Variants in WWTR1 observed in about 807,000 individuals in gnomAD.
The protein encoded by WWTR1 is WW domain containing transcription regulator 1.
Under a neutral mutation model 40.1 loss-of-function variants are expected in WWTR1, and 13 were observed. The ratio of observed to expected loss-of-function variants is 0.32; its 90% CI spans 0.21 to 0.52. The LOEUF (loss-of-function observed/expected upper bound fraction) is 0.52, where lower values mean the gene tolerates loss of function less well. WWTR1 is among the 20% of genes least tolerant of loss of function. The pLI, the probability that WWTR1 is intolerant of heterozygous loss-of-function variation, is 0.97. For synonymous variants in WWTR1, 230 were observed against 210.1 expected, an observed-to-expected ratio of 1.09 and a Z score of -0.82; for missense variants, 436 against 523.1, an observed-to-expected ratio of 0.83 and a Z score of 1.63.
intron 4 of WWTR1, among the ~76,000 whole-genome samples, chr3:149,540,011 C>T (rs779743273): frequency 1.3e-5 from 2 of 151,322 alleles, no homozygotes; most frequent in African/African-American, 2.4e-5. Flanking sequence ...TTCCTGTACT[C>T]CCTAACAAAA....
chr3:149,607,662 G>A (rs145026736), intron 2 of WWTR1, among the ~76,000 whole-genome samples: 30 of 152,240 alleles, frequency 2.0e-4, no homozygotes, highest in African/African-American at 7.0e-4. Flanking sequence ...CTTCCCTAAA[G>A]TTTTAAATTG....
Position 149,526,010 on chromosome 3 carries a change from T to C in WWTR1, c.1018+3A>G. ...TGTAAGTGCTTGCAGGCTTTGCTCCTACCTGTATCCATCTCATCCACATTG... is the reference window on the plus strand; with the variant it reads ...TGTAAGTGCTTGCAGGCTTTGCTCCCACCTGTATCCATCTCATCCACATTG... On this transcript the variant is annotated splice_donor_region_variant and intron_variant, in intron 6 of 6. Transcript: ENST00000360632. 1 of 1,584,082 alleles carries C rather than the reference T, an allele frequency of 6.3e-7. No individual in the cohort carries two copies. The highest frequency in any genetic ancestry group is 8.6e-7 in the Non-Finnish European group (1 of 1,164,534).
chr3:149,557,061 C>CTTTTTTTT (rs3044118), intron 3 of WWTR1, among the ~76,000 whole-genome samples: 2,471 of 64,364 alleles, frequency 0.038, 548 homozygotes, highest in East Asian at 0.15. Context: ...CTGGAATCTT[C>CTTTTTTTT]TTTTTTTTTT....
chr3:149,521,201 G>C (rs972799731), intron 6 of WWTR1, among the ~76,000 whole-genome samples: 6 of 152,158 alleles, frequency 3.9e-5, no homozygotes, highest in African/African-American at 1.4e-4. Context: ...GATAAGAAAG[G>C]AGCATGTGAA....
chr3:149,576,285 T>C (rs1313388448), intron 2 of WWTR1: 8 of 349,956 alleles, frequency 2.3e-5, no homozygotes, highest in African/African-American at 8.6e-5. Flanking sequence ...AACTAAATTC[T>C]CCTATTGTTC....
Position 149,520,617 on chromosome 3 carries a change from T to C in WWTR1, c.*188A>G, listed in dbSNP as rs780419459. The C allele has an allele frequency of 7.4e-5, 34 of 457,800 alleles. No homozygotes were observed. The highest frequency in any genetic ancestry group is 1.2e-4 in the Non-Finnish European group (33 of 266,452). The allele number at this position is 457,800 out of a possible 1,614,324, so 28.4% of individuals were successfully genotyped here. A position where few individuals can be genotyped will look rare whatever the true frequency, so the allele number is the denominator to read the frequency against. On this transcript the variant is annotated 3_prime_UTR_variant, in exon 7 of 7. Transcript: ENST00000360632. ...GCAGAAAATGAAAATAGAATATTTA[T>C]TTATGTTTAACTTAAGTTACTCTCA...
At chr3:149,567,200 A>T (rs2107986771) in intron 3 of WWTR1, among the ~76,000 whole-genome samples, 1 of 152,208 alleles carries the variant, frequency 6.6e-6, no homozygotes, top group East Asian at 1.9e-4. Flanking sequence ...AGGCAAAAAA[A>T]AAAAGAAAGG....
chr3:149,642,207 G>C (rs1712209695), intron 2 of WWTR1, among the ~76,000 whole-genome samples: 1 of 149,268 alleles, frequency 6.7e-6, no homozygotes, highest in African/African-American at 2.5e-5. Flanking sequence ...GATCACCTGA[G>C]GTTGGGAGTT....
At chr3:149,539,990 A>G (rs1324466939) in intron 4 of WWTR1, among the ~76,000 whole-genome samples, 2 of 151,956 alleles carry the variant, frequency 1.3e-5, no homozygotes, top group East Asian at 3.9e-4. Context: ...TAAAAAGTCT[A>G]TTTAGACCTT....
chr3:149,710,022 A>G (rs1265300355), intron 5 of WWTR1, among the ~76,000 whole-genome samples: 3 of 152,150 alleles, frequency 2.0e-5, no homozygotes, highest in Admixed American at 2.0e-4. Context: ...AACCCTTCTA[A>G]TTAGTTTTGT....
In WWTR1 at chr3:149,599,676, C is replaced by G. The variant is rs1197116668; in HGVS notation, c.432-26676G>C. On this transcript the variant is annotated intron_variant, in intron 2 of 6. Coordinates refer to ENST00000360632, the MANE Select transcript of WWTR1 (RefSeq NM_015472.6). ...GCCAGCTTTGACAGTGGTAATATCC[C>G]AAACTAAAATCCTCAAGAGTATCAT... Among the ~76,000 whole-genome samples, 6 of 152,210 alleles carry G rather than the reference C, an allele frequency of 3.9e-5. No individual in the cohort carries two copies. In the South Asian group the frequency reaches 1.2e-3, roughly 32 times the overall value.
upstream of WWTR1, among the ~76,000 whole-genome samples, chr3:149,660,506 A>G (rs1393417304): frequency 6.6e-6 from 1 of 152,276 alleles, no homozygotes; most frequent in Non-Finnish European, 1.5e-5. Flanking sequence ...CAAATAGCAT[A>G]TAAGATGTAA....
chr3:149,699,193 C>T (rs1715088554), intron 1 of WWTR1, among the ~76,000 whole-genome samples: 1 of 152,154 alleles, frequency 6.6e-6, no homozygotes, highest in South Asian at 2.1e-4. Context: ...CATTTCTTTG[C>T]TCCTGCATCT....
chr3:149,613,666 G>C (rs1276906475), intron 2 of WWTR1, among the ~76,000 whole-genome samples: 3 of 152,044 alleles, frequency 2.0e-5, no homozygotes, highest in African/African-American at 4.8e-5. Flanking sequence ...TCCCACCTCA[G>C]CCTCCCAAAT....
intron 2 of WWTR1, among the ~76,000 whole-genome samples, chr3:149,614,341 C>T (rs141567409): frequency 1.3e-5 from 2 of 152,254 alleles, no homozygotes; most frequent in East Asian, 3.9e-4. Context: ...GTATTTGTAC[C>T]ACTGTACCAT....
rs995376452 is a variant in WWTR1 at position 149,527,863 on chromosome 3, T to C, written c.878A>G (p.Asn293Ser). 3.1e-6 allele frequency: 5 copies of C among 1,614,024 alleles called. No individual in the cohort carries two copies. The highest frequency in any genetic ancestry group is 4.2e-6 in the Non-Finnish European group (5 of 1,180,036). ...TMTPDMRSIT[N>S]NSSDPFLNGG... ...ATTGAGGAAAGGATCTGAGCTATTA[T>C]TAGTGATGGATCTCATGTCTGGGGT... is the stretch of plus-strand genomic sequence containing the variant. Residue 293 changes from asparagine (N) to serine (S), a missense_variant, in exon 5 of 7, where the codon AAT (asparagine) becomes AGT (serine). Asn to Ser is a conservative substitution (Grantham distance 46). Coordinates refer to ENST00000360632, the MANE Select transcript of WWTR1 (RefSeq NM_015472.6).
At chr3:149,691,284 C>T (rs1448086544) in intron 1 of WWTR1, among the ~76,000 whole-genome samples, 1 of 151,032 alleles carries the variant, frequency 6.6e-6, no homozygotes, top group Non-Finnish European at 1.5e-5. Context: ...CAAACCAAAC[C>T]CAAAATTAGT....
intron 3 of WWTR1, among the ~76,000 whole-genome samples, chr3:149,570,927 T>C (rs553989294): frequency 6.6e-5 from 10 of 152,300 alleles, no homozygotes; most frequent in Middle Eastern, 3.4e-3. Flanking sequence ...AGCAACACAC[T>C]AGTAACAACC....
chr3:149,668,436 G>A (rs1423039846), intron 2 of WWTR1, among the ~76,000 whole-genome samples: 7 of 151,802 alleles, frequency 4.6e-5, no homozygotes, highest in East Asian at 1.9e-4. Context: ...GTGAAACCCC[G>A]TCTCTACTAA....
Sources: allele counts gnomAD v4.1 joint callset (sites outside exome capture counted in the v4.1 genomes callset), GRCh38; gene constraint gnomAD v4.1.1; transcripts MANE v1.5; gene names NCBI Gene and HGNC (gene_info 2026-07-23, HGNC 2026-07-21).